DMD: variants seen among roughly 807,000 people sequenced by gnomAD.
DMD encodes dystrophin.
DMD carries 63 observed loss-of-function variants against 330.1 expected under a neutral mutation model. The ratio of observed to expected loss-of-function variants is 0.19; its 90% CI spans 0.16 to 0.24. DMD has a LOEUF of 0.24. Ranked by LOEUF, DMD falls within the 10% of genes least tolerant of loss-of-function variation. DMD has a pLI of 1.00. For missense variants in DMD, 3,344 were observed against 2,684.1 expected (o/e 1.25, Z -5.43); for synonymous variants, 1,223 against 959.8 (o/e 1.27, Z -5.07).
chrX:31,645,207 T>TTA (rs1171774053), intron 54 of DMD, among the ~76,000 whole-genome samples: 1 of 111,790 alleles, frequency 8.9e-6, no homozygotes, highest in Non-Finnish European at 1.9e-5. Context: ...GAGACTTTAT[T>TTA]AAGTATAGCT....
At position 33,325,393 on chromosome X, in the gene DMD, A is replaced by G. The variant is rs139833244; in HGVS notation, c.7+13866T>C. On this transcript the variant is annotated intron_variant, in intron 1 of 17. Coordinates refer to the DMD transcript ENST00000288447. ...GATTTAGGAGATTATAAAGTAATTAATTTGTTCACTTCTTTATTAATTTTC... is the reference window on the plus strand; with the variant it reads ...GATTTAGGAGATTATAAAGTAATTAGTTTGTTCACTTCTTTATTAATTTTC... Among the ~76,000 whole-genome samples the G allele has an allele frequency of 3.7e-3, 408 of 111,591 alleles. 1 individual carries two copies. The highest frequency in any genetic ancestry group is 0.013 in the African/African-American group (394 of 30,454).
At chrX:32,131,174 G>C (rs1348719706) in intron 44 of DMD, among the ~76,000 whole-genome samples, 1 of 111,633 alleles carries the variant, frequency 9.0e-6, no homozygotes, top group East Asian at 2.8e-4. Flanking sequence ...GACAGAGTGA[G>C]ACTCTGTCTC....
intron 34 of DMD, among the ~76,000 whole-genome samples, chrX:32,374,462 T>C (rs1469490114): frequency 8.9e-6 from 1 of 111,802 alleles, no homozygotes; most frequent in Non-Finnish European, 1.9e-5. Flanking sequence ...CTTTAATCCA[T>C]CTTGAGTTAA....
At chrX:32,470,881 T>C (rs2040559324) in intron 22 of DMD, among the ~76,000 whole-genome samples, 1 of 112,553 alleles carries the variant, frequency 8.9e-6, no homozygotes, top group African/African-American at 3.2e-5. Flanking sequence ...TAAACATTTT[T>C]CTTAAAATGC....
At chrX:32,426,193 A>T (rs1158566139) in intron 29 of DMD, among the ~76,000 whole-genome samples, 3 of 112,110 alleles carry the variant, frequency 2.7e-5, no homozygotes, top group African/African-American at 9.7e-5. Context: ...CAGAGTAAAC[A>T]GACAAACTAC....
intron 18 of DMD, among the ~76,000 whole-genome samples, chrX:32,503,651 G>A (rs2044297430): frequency 1.8e-5 from 2 of 110,968 alleles, no homozygotes; most frequent in Non-Finnish European, 1.9e-5. Context: ...TGCCTCCCGG[G>A]TTCAAGCAAC....
chrX:32,795,540 G>T (rs1216310928), intron 7 of DMD, among the ~76,000 whole-genome samples: 1 of 111,769 alleles, frequency 8.9e-6, no homozygotes, highest in Admixed American at 9.5e-5. Context: ...AAAACAGACA[G>T]GACCTTGGTC....
chrX:32,576,978 GAGA>G (rs1164125414), intron 13 of DMD, among the ~76,000 whole-genome samples: 1 of 111,488 alleles, frequency 9.0e-6, no homozygotes, highest in East Asian at 2.8e-4. Flanking sequence ...CAAATATTAA[GAGA>G]AGATGTTACA....
In DMD at chrX:31,655,198, A is replaced by C. The variant is rs763150467; in HGVS notation, c.8027+2792T>G. ...ATAATTCCCACATGCTTAGTATTCC[A>C]ATAATGGAACACTAGGATAAATAGC... On this transcript the variant is annotated intron_variant, in intron 54 of 78. Transcript: ENST00000357033. Among the ~76,000 whole-genome samples, 14 of 111,840 alleles carry C rather than the reference A, an allele frequency of 1.3e-4. No homozygotes were observed. In the South Asian group the frequency reaches 5.2e-3, roughly 42 times the overall value.
At position 33,262,836 on chromosome X, in the gene DMD, C is replaced by T. The variant is rs945483140; in HGVS notation, c.7+76423G>A. On this transcript the variant is annotated intron_variant, in intron 1 of 17. Transcript: ENST00000288447. ...TGAGTGAAAGGGAAAAACTGTAATA[C>T]CTAAAGAATTACATGAAAATAAGAA... Among the ~76,000 whole-genome samples the T allele has an allele frequency of 1.4e-4, 15 of 109,242 alleles. 1 individual carries two copies. Among genetic ancestry groups the T allele is most frequent in the African/African-American group, 5.0e-4 (15 of 30,087 alleles). 94.9% of individuals were successfully genotyped at this position (109,242 alleles called of 115,157 possible).
At chrX:33,001,727 TAATATG>T (rs1308751091) in intron 2 of DMD, among the ~76,000 whole-genome samples, 2 of 84,700 alleles carry the variant, frequency 2.4e-5, no homozygotes, top group Non-Finnish European at 5.3e-5. Context: ...TTCAAATAAT[TAATATG>T]AATGAGAAAG....
At chrX:31,134,764 C>T in intron 76 of DMD, among the ~76,000 whole-genome samples, 1 of 112,463 alleles carries the variant, frequency 8.9e-6, no homozygotes, top group African/African-American at 3.2e-5. Flanking sequence ...TTGAAATGTG[C>T]CCCGCACATA....
chrX:32,502,653 A>G (rs187413725), intron 18 of DMD, among the ~76,000 whole-genome samples: 20 of 112,480 alleles, frequency 1.8e-4, no homozygotes, highest in African/African-American at 6.5e-4. Flanking sequence ...ACTATAACGC[A>G]ATTAAAATAT....
chrX:31,463,556 T>C (rs1275816779), intron 59 of DMD, among the ~76,000 whole-genome samples: 1 of 112,330 alleles, frequency 8.9e-6, no homozygotes, highest in East Asian at 2.8e-4. Flanking sequence ...AAGCATTTCC[T>C]GTTTTACTGA....
intron 2 of DMD, among the ~76,000 whole-genome samples, chrX:32,980,368 C>CA (rs755016078): frequency 0.13 from 5,329 of 42,344 alleles, 476 homozygotes; most frequent in Middle Eastern, 0.2. Flanking sequence ...GACTCTGTCT[C>CA]AAAAAAAAAA....
chrX:32,570,359 C>T (rs2149118806), intron 15 of DMD, among the ~76,000 whole-genome samples: 1 of 111,320 alleles, frequency 9.0e-6, no homozygotes, highest in Admixed American at 9.6e-5. Context: ...TGTTAATTGG[C>T]TTAAACTATC....
intron 1 of DMD, among the ~76,000 whole-genome samples, chrX:33,259,597 G>GGCC (rs2052917634): frequency 6.3e-5 from 1 of 15,801 alleles, no homozygotes; most frequent in Non-Finnish European, 1.1e-4. Flanking sequence ...TTTCAAAATC[G>GGCC]CCCCCCCCCC....
At chrX:31,487,694 A>C (rs1215286523) in intron 57 of DMD, among the ~76,000 whole-genome samples, 3 of 111,553 alleles carry the variant, frequency 2.7e-5, no homozygotes, top group Non-Finnish European at 5.6e-5. Context: ...ATAATCATCT[A>C]AATAAGATGA....
chrX:32,461,648 T>G (rs1387680229), intron 25 of DMD, among the ~76,000 whole-genome samples: 2 of 110,069 alleles, frequency 1.8e-5, no homozygotes, highest in Admixed American at 1.9e-4. Flanking sequence ...ATTGTTGGTT[T>G]TATACTTTTT....
Sources: gnomAD v4.1 joint callset for allele counts (sites outside exome capture counted in the v4.1 genomes callset) on GRCh38, gnomAD v4.1.1 for gene constraint, MANE v1.5 for transcripts, NCBI Gene and HGNC (gene_info 2026-07-23, HGNC 2026-07-21) for gene names.